The following ABLIM3 variants were observed in gnomAD, a reference collection of about 807,000 sequenced individuals.
The protein encoded by ABLIM3 is actin-binding LIM protein 3.
Under a neutral mutation model 109.5 loss-of-function variants are expected in ABLIM3, and 61 were observed. The ratio of observed to expected loss-of-function variants is 0.56; its 90% CI spans 0.45 to 0.69. ABLIM3 has a LOEUF of 0.69. ABLIM3 is among the 30% of genes least tolerant of loss of function. ABLIM3 has a pLI of 0.00. For missense variants in ABLIM3, 796 were observed against 889.5 expected, an observed-to-expected ratio of 0.89 and a Z score of 1.34; for synonymous variants, 300 against 324.8, an observed-to-expected ratio of 0.92 and a Z score of 0.82.
chr5:149,178,702 G>A (rs571331964), intron 2 of ABLIM3, among the ~76,000 whole-genome samples: 11 of 152,270 alleles, frequency 7.2e-5, no homozygotes, highest in Admixed American at 4.6e-4. Context: ...CGTGTCATTC[G>A]CTGTTTTTAA....
chr5:149,211,097 G>A (rs561128578), intron 7 of ABLIM3, among the ~76,000 whole-genome samples: 3 of 152,232 alleles, frequency 2.0e-5, no homozygotes, highest in African/African-American at 7.2e-5. Context: ...TCTAAAGAGT[G>A]ACATTAGGAT....
At chr5:149,223,093 G>C (rs987720685) in intron 8 of ABLIM3, among the ~76,000 whole-genome samples, 1 of 151,832 alleles carries the variant, frequency 6.6e-6, no homozygotes, top group Admixed American at 6.6e-5. Context: ...ATTTTAAATA[G>C]AGTATATTTT....
Position 149,198,426 on chromosome 5 carries a change from TG to T in ABLIM3, c.335+27del, listed in dbSNP as rs1242311196. 13 of 1,582,938 alleles carry T rather than the reference TG, an allele frequency of 8.2e-6. No homozygotes were observed. Among genetic ancestry groups the T allele is most frequent in the Non-Finnish European group, 1.1e-5 (13 of 1,165,304 alleles). On this transcript the variant is annotated intron_variant, in intron 4 of 23. Coordinates refer to ENST00000309868, the MANE Select transcript of ABLIM3 (RefSeq NM_014945.5). This position sits in a 1 kb window ranked among gnomAD's most constrained non-coding sequence, Gnocchi z 4.2. ...AGGTGAGTGGGCGACCAGCAGGGCC[TG>T]GGACCCTCTGCATAAGCCCCCGGGG...
chr5:149,194,064 A>C (rs1159773935), intron 3 of ABLIM3, among the ~76,000 whole-genome samples: 1 of 152,222 alleles, frequency 6.6e-6, no homozygotes, highest in Non-Finnish European at 1.5e-5. Flanking sequence ...TCCATAAAGG[A>C]AAAGATTCAC....
At chr5:149,175,188 C>A (rs1026247722) in intron 2 of ABLIM3, among the ~76,000 whole-genome samples, 1 of 152,138 alleles carries the variant, frequency 6.6e-6, no homozygotes, top group Non-Finnish European at 1.5e-5. Flanking sequence ...TTTATACCAC[C>A]GTGCATTAAA....
intron 2 of ABLIM3, among the ~76,000 whole-genome samples, chr5:149,169,548 G>A (rs6881442): frequency 0.42 from 64,539 of 151,960 alleles, 14,564 homozygotes; most frequent in East Asian, 0.61. Context: ...ATCAATTTTC[G>A]CCAAACAAGA....
chr5:149,236,254 C>T (rs1752175740), intron 10 of ABLIM3, among the ~76,000 whole-genome samples: 1 of 152,140 alleles, frequency 6.6e-6, no homozygotes, highest in Non-Finnish European at 1.5e-5. Flanking sequence ...GGCAGGGATA[C>T]AATAGTGGAA....
chr5:149,231,037 G>A (rs1761809495), intron 9 of ABLIM3, among the ~76,000 whole-genome samples: 1 of 152,174 alleles, frequency 6.6e-6, no homozygotes, highest in Non-Finnish European at 1.5e-5. Flanking sequence ...CCCAGCCTAA[G>A]GTCACTCGTT....
At chr5:149,249,785 GC>G (rs1561637274) in intron 18 of ABLIM3, 29 bp from the exon 19 acceptor site, 2 of 1,614,008 alleles carry the variant, frequency 1.2e-6, no homozygotes, top group Non-Finnish European at 8.5e-7. Context: ...TTCCTCATGA[GC>G]AATGACCTTC....
chr5:149,147,269 C>T (rs992448327), intron 2 of ABLIM3, among the ~76,000 whole-genome samples: 11 of 152,050 alleles, frequency 7.2e-5, no homozygotes, highest in Admixed American at 2.6e-4. Context: ...TAGTTTTTAT[C>T]ATGAAGGGGT....
At chr5:149,194,935 C>T (rs901764039) in intron 3 of ABLIM3, among the ~76,000 whole-genome samples, 3 of 152,124 alleles carry the variant, frequency 2.0e-5, no homozygotes, top group Non-Finnish European at 2.9e-5. Flanking sequence ...TTAAACCATA[C>T]ATACATATTC....
chr5:149,171,308 CATTATT>C (rs2127460688), intron 2 of ABLIM3, among the ~76,000 whole-genome samples: 1 of 152,206 alleles, frequency 6.6e-6, no homozygotes, highest in South Asian at 2.1e-4. Flanking sequence ...CTATCATTAT[CATTATT>C]ATTATAGTAA....
At position 149,239,805 on chromosome 5, in the gene ABLIM3, C is replaced by A; in HGVS notation, c.1121C>A (p.Pro374Gln). 1 of 1,609,402 alleles carries A rather than the reference C, an allele frequency of 6.2e-7. No individual in the cohort carries two copies. Among genetic ancestry groups the A allele is most frequent in the South Asian group, 1.1e-5 (1 of 90,456 alleles). Reference sequence around the variant, plus strand: ...CTCCGGCAGAGACGGGCCTCCAGCCCGGGGTACATAGACTCCCCCACCTAC... The same window carrying A: ...CTCCGGCAGAGACGGGCCTCCAGCCAGGGGTACATAGACTCCCCCACCTAC... ...LDLRQRRASSPGYIDSPTYSR... is the reference protein window; with the variant it reads ...LDLRQRRASSQGYIDSPTYSR... Residue 374 changes from proline to glutamine, a missense_variant, in exon 13 of 24, where the codon CCG becomes CAG. Physicochemically the swap from Pro to Gln is moderately conservative, Grantham distance 76 (BLOSUM62 -1). Coordinates refer to ENST00000309868, the MANE Select transcript of ABLIM3 (RefSeq NM_014945.5).
At chr5:149,153,852 A>T (rs140431111) in intron 2 of ABLIM3, among the ~76,000 whole-genome samples, 1 of 152,310 alleles carries the variant, frequency 6.6e-6, no homozygotes, top group East Asian at 1.9e-4. Context: ...GAGAACATAC[A>T]GGCTCCACAT....
intron 21 of ABLIM3, 40 bp downstream of exon 21, chr5:149,251,459 T>C (rs775119520): frequency 1.9e-6 from 3 of 1,605,758 alleles, no homozygotes; most frequent in Middle Eastern, 1.7e-4. Flanking sequence ...GGAGAGTGCC[T>C]CCAGATGTAC....
At position 149,259,105 on chromosome 5, in the gene ABLIM3, C is replaced by T. The variant is rs1444735195; in HGVS notation, c.*701C>T. 20 of 1,012,642 alleles carry T rather than the reference C, an allele frequency of 2.0e-5. No homozygotes were observed. Among genetic ancestry groups the T allele is most frequent in the Non-Finnish European group, 2.2e-5 (19 of 846,670 alleles). The allele number at this position is 1,012,642 out of a possible 1,614,324, so 62.7% of individuals were successfully genotyped here. A position where few individuals can be genotyped will look rare whatever the true frequency, so the allele number is the denominator to read the frequency against. ...GGAAAAGGCCCTTCCCTTCCCTCCA[C>T]CACTTCCAACTGGCCCCTTTGCCTG... On this transcript the variant is annotated 3_prime_UTR_variant, in exon 24 of 24. Transcript: ENST00000309868.
intron 23 of ABLIM3, among the ~76,000 whole-genome samples, chr5:149,255,766 G>A (rs549270980): frequency 1.1e-4 from 17 of 152,284 alleles, no homozygotes; most frequent in Admixed American, 7.2e-4. Context: ...AAGATGAGGA[G>A]GAGAAGATGA....
At chr5:149,202,451 A>G (rs1758582371) in intron 5 of ABLIM3, among the ~76,000 whole-genome samples, 2 of 152,126 alleles carry the variant, frequency 1.3e-5, no homozygotes, top group South Asian at 4.1e-4. Context: ...TTATAGAGGT[A>G]TTTTCTCCAA....
At chr5:149,251,037 T>C (rs540373449) in intron 20 of ABLIM3, among the ~76,000 whole-genome samples, 2 of 152,126 alleles carry the variant, frequency 1.3e-5, no homozygotes, top group Admixed American at 6.5e-5. Context: ...GTAAGGAGGA[T>C]TGAGAGTTCA....
Sources: allele counts gnomAD v4.1 joint callset (sites outside exome capture counted in the v4.1 genomes callset), GRCh38; gene constraint gnomAD v4.1.1; non-coding constraint Gnocchi (gnomAD v3.1); transcripts MANE v1.5; gene names NCBI Gene and HGNC (gene_info 2026-07-23, HGNC 2026-07-21).